GEMIN5: variants seen among roughly 807,000 people sequenced by gnomAD.
GEMIN5 encodes gem nuclear organelle associated protein 5, also known as gem-associated protein 5.
GEMIN5 carries 124 observed loss-of-function variants against 176.9 expected under a neutral mutation model. That is an observed-to-expected ratio of 0.70 (90% CI 0.61 to 0.81). The LOEUF (loss-of-function observed/expected upper bound fraction) is 0.81. GEMIN5 is among the 40% of genes least tolerant of loss of function. GEMIN5 has a pLI of 0.00. For missense variants in GEMIN5, 1,843 were observed against 1,814.6 expected, an observed-to-expected ratio of 1.02 and a Z score of -0.28; for synonymous variants, 673 against 665.2, an observed-to-expected ratio of 1.01 and a Z score of -0.18.
chr5:154,909,921 G>A (rs1763660471), intron 15 of GEMIN5, among the ~76,000 whole-genome samples: 1 of 151,790 alleles, frequency 6.6e-6, no homozygotes, highest in Admixed American at 6.6e-5. Flanking sequence ...AGAGGTTGTA[G>A]TGAGCCGAGA....
intron 15 of GEMIN5, among the ~76,000 whole-genome samples, chr5:154,908,131 C>T (rs1763609725): frequency 6.7e-6 from 1 of 149,166 alleles, no homozygotes; most frequent in South Asian, 2.1e-4. Context: ...CCACCTACTC[C>T]ATACTCTCTA....
rs995482237 is a variant in GEMIN5 at position 154,931,361 on chromosome 5, CAAAT to C, written c.781+93_781+96del. On this transcript the variant is annotated intron_variant, in intron 5 of 27. Coordinates refer to ENST00000285873, the MANE Select transcript of GEMIN5 (RefSeq NM_015465.5). ...AGACCAAAAAGTGAAGAACTGCTCT[CAAAT>C]AGATGACACACCCTCAGGACAATAA... 2.3e-5 allele frequency: 29 copies of C among 1,277,550 alleles called. No homozygotes were observed. The African/African-American group carries it at 3.9e-4, about 17-fold the overall frequency. The allele number at this position is 1,277,550 out of a possible 1,614,324, so 79.1% of individuals were successfully genotyped here.
chr5:154,892,584 C>T (rs1488699778), intron 24 of GEMIN5, 35 bp from the exon 25 acceptor site: 1 of 1,604,300 alleles, frequency 6.2e-7, no homozygotes, highest in Admixed American at 1.7e-5. Flanking sequence ...GTTAAACATC[C>T]TCCCACGGTA....
rs1360156008 is a variant in GEMIN5 at position 154,917,078 on chromosome 5, C to T, written c.1775G>A (p.Ser592Asn). 2 of 1,609,262 alleles carry T rather than the reference C, an allele frequency of 1.2e-6. No individual in the cohort carries two copies. The highest frequency in any genetic ancestry group is 1.7e-6 in the Non-Finnish European group (2 of 1,176,406). Residue 592 changes from serine to asparagine, a missense_variant, in exon 13 of 28, where the codon AGC becomes AAC. Ser to Asn is a conservative substitution (Grantham distance 46, BLOSUM62 1). Transcript: ENST00000285873. ...CATCAGATAGCTCAATTCTGGCTGG[C>T]TGCCATGCTCATGATGCCAGCTAAT... ...NTISWHHEHG[S>N]QPELSYLMAS... is the part of the protein sequence containing the mutation.
intron 8 of GEMIN5, among the ~76,000 whole-genome samples, chr5:154,925,440 A>C (rs974291334): frequency 6.6e-6 from 1 of 152,248 alleles, no homozygotes; most frequent in African/African-American, 2.4e-5. Context: ...AAACCAAAAA[A>C]ATTACACATA....
At chr5:154,918,810 G>T (rs1351423308) in intron 11 of GEMIN5, among the ~76,000 whole-genome samples, 1 of 152,330 alleles carries the variant, frequency 6.6e-6, no homozygotes, top group East Asian at 1.9e-4. Flanking sequence ...GGGAGGCCAA[G>T]TGGGGTGGAT....
intron 21 of GEMIN5, 94 bp from the exon 22 acceptor site, chr5:154,899,404 T>C (rs1012517768): frequency 1.9e-6 from 2 of 1,067,024 alleles, no homozygotes; most frequent in African/African-American, 3.2e-5. Flanking sequence ...CTGTCCCTTT[T>C]GTGTTGTCTT....
At chr5:154,895,504 G>A (rs758721490) in intron 24 of GEMIN5, among the ~76,000 whole-genome samples, 13 of 152,168 alleles carry the variant, frequency 8.5e-5, no homozygotes, top group Non-Finnish European at 1.8e-4. Flanking sequence ...GGTGCCTGTG[G>A]CGAGCTAGGG....
At chr5:154,911,443 G>T (rs967498470) in intron 15 of GEMIN5, among the ~76,000 whole-genome samples, 1 of 152,154 alleles carries the variant, frequency 6.6e-6, no homozygotes, top group Non-Finnish European at 1.5e-5. Flanking sequence ...AACCCAGGAG[G>T]TGGAGGCTGC....
intron 15 of GEMIN5, among the ~76,000 whole-genome samples, chr5:154,909,322 A>C (rs946405650): frequency 6.6e-6 from 1 of 151,568 alleles, no homozygotes; most frequent in South Asian, 2.1e-4. Flanking sequence ...CACAAGGAAG[A>C]GCTTGGCATC....
intron 15 of GEMIN5, among the ~76,000 whole-genome samples, chr5:154,908,172 CTTTTTTTTTT>C (rs386405383): frequency 2.7e-5 from 2 of 73,064 alleles, no homozygotes; most frequent in Admixed American, 1.6e-4. Context: ...CCCAGATGTC[CTTTTTTTTTT>C]TTTTTTTTTT....
In GEMIN5 at chr5:154,902,650, G is replaced by T; in HGVS notation, c.2755C>A (p.Pro919Thr). The T allele has an allele frequency of 6.2e-7, 1 of 1,613,964 alleles. No homozygotes were observed. Among genetic ancestry groups the T allele is most frequent in the South Asian group, 1.1e-5 (1 of 91,058 alleles). Reference sequence around the variant, plus strand: ...AGCATAAGCTGGTGAAATAACTCAGGGTGGCCATTTTCTAAGTGACCTTTT... The same window carrying T: ...AGCATAAGCTGGTGAAATAACTCAGTGTGGCCATTTTCTAAGTGACCTTTT... ...EGKGHLENGH[P>T]ELFHQLMLWK... Residue 919 changes from proline to threonine, a missense_variant, in exon 20 of 28, where the codon CCT (proline) becomes ACT (threonine). By Grantham distance (38) the Pro-to-Thr change is conservative. Coordinates refer to ENST00000285873, the MANE Select transcript of GEMIN5 (RefSeq NM_015465.5).
chr5:154,891,772 A>G (rs1257103580), intron 25 of GEMIN5, 30 bp from the exon 26 acceptor site: 4 of 1,541,118 alleles, frequency 2.6e-6, no homozygotes, highest in Non-Finnish European at 3.5e-6. Flanking sequence ...ATACTGGGTC[A>G]TGCATTTCTC....
intron 24 of GEMIN5, among the ~76,000 whole-genome samples, chr5:154,893,255 T>C (rs1490068615): frequency 1.2e-5 from 1 of 85,684 alleles, no homozygotes; most frequent in African/African-American, 5.0e-5. Flanking sequence ...AGCCCGTCTC[T>C]AAAAAAAAAA....
chr5:154,893,583 T>C (rs922445510), intron 24 of GEMIN5, among the ~76,000 whole-genome samples: 2 of 152,212 alleles, frequency 1.3e-5, no homozygotes, highest in Non-Finnish European at 2.9e-5. Flanking sequence ...AGATATGCCC[T>C]CCGGCTCCTC....
At chr5:154,928,972 C>A (rs1177114556) in intron 5 of GEMIN5, among the ~76,000 whole-genome samples, 1 of 151,758 alleles carries the variant, frequency 6.6e-6, no homozygotes, top group Non-Finnish European at 1.5e-5. Flanking sequence ...GCCTGTAATC[C>A]CAGCACTTTG....
At chr5:154,896,679 G>T (rs1169565571) in intron 23 of GEMIN5, among the ~76,000 whole-genome samples, 8 of 152,212 alleles carry the variant, frequency 5.3e-5, no homozygotes, top group African/African-American at 1.9e-4. Context: ...GAAAAGAAGG[G>T]CTGGGCTCAT....
chr5:154,898,957 A>G (rs764552296), intron 22 of GEMIN5, among the ~76,000 whole-genome samples: 1 of 152,214 alleles, frequency 6.6e-6, no homozygotes, highest in Non-Finnish European at 1.5e-5. Flanking sequence ...AGAAAAATGC[A>G]TAATTTCTTA....
intron 24 of GEMIN5, among the ~76,000 whole-genome samples, chr5:154,895,794 G>A (rs745440624): frequency 1.3e-5 from 2 of 152,080 alleles, no homozygotes; most frequent in Admixed American, 6.5e-5. Flanking sequence ...AGTCTGAGGC[G>A]GGAGAATCAC....
Sources: allele counts gnomAD v4.1 joint callset (sites outside exome capture counted in the v4.1 genomes callset), GRCh38; gene constraint gnomAD v4.1.1; transcripts MANE v1.5; gene names NCBI Gene and HGNC (gene_info 2026-07-23, HGNC 2026-07-21).